Variants in RABGAP1L observed in about 807,000 individuals in gnomAD.
The protein encoded by RABGAP1L is rab GTPase-activating protein 1-like.
Under a neutral mutation model 137.7 loss-of-function variants are expected in RABGAP1L, and 63 were observed. That is an observed-to-expected ratio of 0.46 (90% CI 0.37 to 0.56). The LOEUF is 0.56. RABGAP1L is among the 20% of genes least tolerant of loss of function. RABGAP1L has a pLI of 0.00. For synonymous variants in RABGAP1L, 431 were observed against 433.7 expected (o/e 0.99, Z 0.08); for missense variants, 1,095 against 1,244.0 (o/e 0.88, Z 1.80).
intron 10 of RABGAP1L, among the ~76,000 whole-genome samples, chr1:174,304,369 A>G (rs1678001242): frequency 6.6e-6 from 1 of 151,738 alleles, no homozygotes; most frequent in Non-Finnish European, 1.5e-5. Context: ...ATATATATTT[A>G]TTTGAAATTG....
At chr1:174,846,359 C>T (rs1204572588) in intron 19 of RABGAP1L, among the ~76,000 whole-genome samples, 2 of 151,386 alleles carry the variant, frequency 1.3e-5, no homozygotes, top group East Asian at 1.9e-4. Context: ...CTCTTGTGGG[C>T]ATTTAGTGCT....
chr1:174,467,513 A>G (rs1657438161), intron 13 of RABGAP1L, among the ~76,000 whole-genome samples: 1 of 152,154 alleles, frequency 6.6e-6, no homozygotes, highest in Non-Finnish European at 1.5e-5. Flanking sequence ...AAAATTATCT[A>G]TACCAGGGAA....
chr1:174,388,467 G>A (rs76679171), intron 12 of RABGAP1L, among the ~76,000 whole-genome samples: 2,598 of 151,584 alleles, frequency 0.017, 66 homozygotes, highest in African/African-American at 0.06. Context: ...CATGAAAAAA[G>A]CACATAAGCT....
chr1:174,176,480 C>T (rs191578055), intron 1 of RABGAP1L, among the ~76,000 whole-genome samples: 3 of 149,840 alleles, frequency 2.0e-5, no homozygotes, highest in Admixed American at 6.6e-5. Flanking sequence ...GAGGCCGAGG[C>T]GGGCGGATCG....
chr1:174,730,806 G>A (rs979247657), intron 17 of RABGAP1L, among the ~76,000 whole-genome samples: 1 of 152,020 alleles, frequency 6.6e-6, no homozygotes, highest in African/African-American at 2.4e-5. Context: ...ATTAAAAGAG[G>A]CATAAAATGA....
chr1:174,610,859 A>G (rs1001939119), intron 13 of RABGAP1L, among the ~76,000 whole-genome samples: 1 of 152,166 alleles, frequency 6.6e-6, no homozygotes, highest in African/African-American at 2.4e-5. Flanking sequence ...TCTTCTTTTG[A>G]GAAGTGTCTG....
At chr1:174,596,758 T>TTTC (rs1465669898) in intron 13 of RABGAP1L, among the ~76,000 whole-genome samples, 1 of 152,210 alleles carries the variant, frequency 6.6e-6, no homozygotes, top group Non-Finnish European at 1.5e-5. Context: ...CTATGTTGAA[T>TTTC]AACGGTGGTG....
At chr1:174,235,043 T>A (rs939797160) in intron 4 of RABGAP1L, among the ~76,000 whole-genome samples, 2 of 135,356 alleles carry the variant, frequency 1.5e-5, no homozygotes, top group African/African-American at 6.1e-5. Context: ...TGAATGGGAG[T>A]TCACTCATGA....
intron 17 of RABGAP1L, among the ~76,000 whole-genome samples, chr1:174,715,946 C>G (rs1021334564): frequency 6.6e-6 from 1 of 152,178 alleles, no homozygotes; most frequent in African/African-American, 2.4e-5. Flanking sequence ...TAAAGTTCCC[C>G]TCATCCCCCA....
intron 1 of RABGAP1L, among the ~76,000 whole-genome samples, chr1:174,180,986 A>G (rs983845178): frequency 4.6e-5 from 7 of 152,190 alleles, no homozygotes; most frequent in Non-Finnish European, 1.0e-4. Context: ...CATTTAATTC[A>G]CAGACGAGAA....
At chr1:174,543,420 T>A (rs943549740) in intron 13 of RABGAP1L, among the ~76,000 whole-genome samples, 1 of 149,290 alleles carries the variant, frequency 6.7e-6, no homozygotes, top group East Asian at 1.9e-4. Context: ...TTGCAACCCC[T>A]GCTTTTTTTT....
chr1:174,712,441 C>T (rs1438612191), intron 17 of RABGAP1L, among the ~76,000 whole-genome samples: 1 of 152,180 alleles, frequency 6.6e-6, no homozygotes, highest in Non-Finnish European at 1.5e-5. Flanking sequence ...CTGTAACACT[C>T]ACCGCGAAGG....
At chr1:174,183,540 A>G (rs1022537194) in intron 1 of RABGAP1L, among the ~76,000 whole-genome samples, 1 of 152,238 alleles carries the variant, frequency 6.6e-6, no homozygotes, top group Non-Finnish European at 1.5e-5. Flanking sequence ...CAACGTGCAC[A>G]GCCTTCCCCA....
At chr1:174,721,310 T>C (rs1423423654) in intron 17 of RABGAP1L, among the ~76,000 whole-genome samples, 1 of 152,236 alleles carries the variant, frequency 6.6e-6, no homozygotes, top group Non-Finnish European at 1.5e-5. Flanking sequence ...TTGAATTTGT[T>C]ACTTTGGCAA....
At chr1:174,449,209 T>C (rs754764890) in intron 13 of RABGAP1L, 4 of 1,546,022 alleles carry the variant, frequency 2.6e-6, no homozygotes, top group Admixed American at 2.1e-5. Flanking sequence ...GAGAGCTACA[T>C]AGTAAATCAA....
intron 19 of RABGAP1L, among the ~76,000 whole-genome samples, chr1:174,945,029 A>C (rs1254183945): frequency 6.6e-6 from 1 of 152,216 alleles, no homozygotes; most frequent in Admixed American, 6.5e-5. Flanking sequence ...TATGATAATG[A>C]AGTTAACACT....
At chr1:174,174,504 G>A (rs746074020) in intron 1 of RABGAP1L, among the ~76,000 whole-genome samples, 2 of 152,180 alleles carry the variant, frequency 1.3e-5, no homozygotes, top group African/African-American at 2.4e-5. Flanking sequence ...CCCGTGATAG[G>A]CCGTCTGCAA....
intron 18 of RABGAP1L, among the ~76,000 whole-genome samples, chr1:174,778,369 T>C (rs1686699026): frequency 2.0e-5 from 3 of 152,106 alleles, no homozygotes; most frequent in African/African-American, 7.2e-5. Context: ...CACTAGGAGA[T>C]CTGGATTACT....
At position 174,221,167 on chromosome 1, in the gene RABGAP1L, A is replaced by C. The variant is rs775121528; in HGVS notation, c.331+3A>C. The C allele has an allele frequency of 5.1e-6, 8 of 1,557,848 alleles. No homozygotes were observed. Among genetic ancestry groups the C allele is most frequent in the African/African-American group, 1.4e-5 (1 of 72,574 alleles). The stretch of plus-strand genomic sequence containing the variant: ...AATTTTGGATCCGTCTAACACAGGT[A>C]CTGTATTGAATTCTTAGAAACTATT... On this transcript the variant is annotated splice_donor_region_variant and intron_variant, in intron 3 of 25. Coordinates refer to ENST00000681986, the MANE Select transcript of RABGAP1L (RefSeq NM_001366446.1).
Sources: allele counts gnomAD v4.1 joint callset (sites outside exome capture counted in the v4.1 genomes callset), GRCh38; gene constraint gnomAD v4.1.1; transcripts MANE v1.5; gene names NCBI Gene and HGNC (gene_info 2026-07-23, HGNC 2026-07-21).